PTMA: variants seen among roughly 807,000 people sequenced by gnomAD.
PTMA encodes the protein prothymosin alpha.
A neutral mutation model predicts 16.9 loss-of-function variants in PTMA; 4 were observed. The ratio of observed to expected loss-of-function variants is 0.24; its 90% CI spans 0.12 to 0.54. The LOEUF is 0.54. PTMA is among the 20% of genes least tolerant of loss of function. The probability of loss-of-function intolerance (pLI) is 0.95; values close to 1 mark genes in which losing one functional copy is unlikely to be tolerated. For missense variants in PTMA, 120 were observed against 137.7 expected (o/e 0.87, Z 0.64); for synonymous variants, 58 against 47.9 (o/e 1.21, Z -0.87).
At chr2:231,710,367 G>C in intron 1 of PTMA, 1 of 1,198,832 alleles carries the variant, frequency 8.3e-7, no homozygotes. Context: ...CGAGGCCCGC[G>C]CGCAAAGCCC....
chr2:231,710,021 C>A, intron 1 of PTMA: 1 of 1,177,254 alleles, frequency 8.5e-7, no homozygotes, highest in East Asian at 3.2e-5. Context: ...ACACCGTCCC[C>A]AGTGCGGGGC....
In PTMA at chr2:231,711,566, C is replaced by T. The variant is rs531790083; in HGVS notation, c.117+147C>T. The T allele has an allele frequency of 5.0e-6, 4 of 797,582 alleles. No individual in the cohort carries two copies. In the African/African-American group the frequency reaches 7.0e-5, roughly 14 times the overall value. 49.4% of individuals were successfully genotyped at this position (797,582 alleles called of 1,614,324 possible). ...AGTATCGTAGCCAATGAGCTTTACC[C>T]GAGGCGCGATTATTGCTAGTTAAAT... On this transcript the variant is annotated intron_variant, in intron 2 of 4. Transcript: ENST00000409115.
chr2:231,713,219 A>C lies in PTMA; in HGVS notation c.*368A>C. 1.5e-5 allele frequency: 7 copies of C among 468,982 alleles called. 1 individual carries two copies. Among genetic ancestry groups the C allele is most frequent in the South Asian group, 1.1e-4 (7 of 61,786 alleles). 29.1% of individuals were successfully genotyped at this position (468,982 alleles called of 1,614,324 possible). A position where few individuals can be genotyped will look rare whatever the true frequency, so the allele number is the denominator to read the frequency against. On this transcript the variant is annotated 3_prime_UTR_variant, in exon 5 of 5. Transcript: ENST00000409115. Reference sequence around the variant, plus strand: ...CAGCCTTCGGAGCGTTCTCTGTCCTACTTCTGACTTTACTTGTGGTGTGAC... The same window carrying C: ...CAGCCTTCGGAGCGTTCTCTGTCCTCCTTCTGACTTTACTTGTGGTGTGAC...
intron 2 of PTMA, 104 bp from the exon 3 acceptor site, chr2:231,711,786 T>C: frequency 6.5e-7 from 1 of 1,549,064 alleles, no homozygotes; most frequent in Non-Finnish European, 8.7e-7. Flanking sequence ...GGCTGGGCTG[T>C]AGATGCAGCC....
chr2:231,712,378 C>G (rs1416926475), intron 3 of PTMA, 65 bp from the exon 4 acceptor site: 1 of 1,520,662 alleles, frequency 6.6e-7, no homozygotes, highest in Non-Finnish European at 9.1e-7. Context: ...ACATGTTCCT[C>G]GGGATTTCCC....
Position 231,713,198 on chromosome 2 carries a change from C to T in PTMA, c.*347C>T. ...AATGATCTCGGATGACCAAACCAGC[C>T]TTCGGAGCGTTCTCTGTCCTACTTC... is the stretch of plus-strand genomic sequence containing the variant. On this transcript the variant is annotated 3_prime_UTR_variant, in exon 5 of 5. Transcript: ENST00000409115. 6.4e-6 allele frequency: 3 copies of T among 471,880 alleles called. No individual in the cohort carries two copies. Among genetic ancestry groups the T allele is most frequent in the South Asian group, 4.9e-5 (3 of 61,784 alleles). 29.2% of individuals were successfully genotyped at this position (471,880 alleles called of 1,614,324 possible).
chr2:231,708,976 C>T (rs1575348798), intron 1 of PTMA, among the ~76,000 whole-genome samples: 1 of 152,142 alleles, frequency 6.6e-6, no homozygotes, highest in East Asian at 1.9e-4. Context: ...GTGGGCCGGG[C>T]GCCCTCGGGG....
intron 1 of PTMA, chr2:231,711,044 G>A (rs543453643): frequency 3.2e-6 from 1 of 309,722 alleles, no homozygotes; most frequent in African/African-American, 2.2e-5. Flanking sequence ...GGACGGGCTG[G>A]GGGCTGTGGC....
chr2:231,711,672 C>T, intron 2 of PTMA: 3 of 899,904 alleles, frequency 3.3e-6, no homozygotes, highest in Non-Finnish European at 4.9e-6. Flanking sequence ...GGGCTTGGCC[C>T]AGGGTGGGGA....
intron 2 of PTMA, 26 bp downstream of exon 2, chr2:231,711,445 C>T: frequency 1.9e-6 from 3 of 1,611,210 alleles, no homozygotes; most frequent in Non-Finnish European, 2.5e-6. Context: ...GCTCCTGAGC[C>T]CTGGCAGCTA....
intron 1 of PTMA, among the ~76,000 whole-genome samples, chr2:231,709,438 G>A (rs2048487321): frequency 6.6e-6 from 1 of 152,196 alleles, no homozygotes; most frequent in Admixed American, 6.5e-5. Flanking sequence ...CTTCAGTCAT[G>A]CACCCGCGGT....
At chr2:231,711,850 G>C in intron 2 of PTMA, 40 bp from the exon 3 acceptor site, 1 of 1,610,120 alleles carries the variant, frequency 6.2e-7, no homozygotes, top group Non-Finnish European at 8.5e-7. Context: ...TCCAGCCTGG[G>C]GCCAGCTGGT....
chr2:231,712,120 C>G (rs2048525556), intron 3 of PTMA, 137 bp downstream of exon 3: 3 of 1,459,490 alleles, frequency 2.1e-6, no homozygotes, highest in Non-Finnish European at 1.8e-6. Flanking sequence ...GCCCTGGGCA[C>G]CCACCTGTAG....
In PTMA at chr2:231,713,476, G is replaced by T; in HGVS notation, c.*625G>T. ...GTTTATTTTTTTTGGCCTGTTTGAT[G>T]TATGTGTGAAACAATGTTGTCCAAC... On this transcript the variant is annotated 3_prime_UTR_variant, in exon 5 of 5. Transcript: ENST00000409115. 2.3e-6 allele frequency: 1 copy of T among 440,270 alleles called. No homozygotes were observed. The allele number at this position is 440,270 out of a possible 1,614,324, so 27.3% of individuals were successfully genotyped here.
chr2:231,710,904 G>GCC (rs1242867780), intron 1 of PTMA, among the ~76,000 whole-genome samples: 3 of 152,200 alleles, frequency 2.0e-5, no homozygotes, highest in Admixed American at 6.5e-5. Flanking sequence ...CCGAGCGCAG[G>GCC]CCCCTCTCTC....
At position 231,710,106 on chromosome 2, in the gene PTMA, C is replaced by T. The variant is rs1005353616; in HGVS notation, c.46-1242C>T. On this transcript the variant is annotated intron_variant, in intron 1 of 4. Transcript: ENST00000409115. Reference sequence around the variant, plus strand: ...GCGATGAGTAGTAGCCCGAGAGGCGCATCCCCGACAGTCTCGGACCTACGC... The same window carrying T: ...GCGATGAGTAGTAGCCCGAGAGGCGTATCCCCGACAGTCTCGGACCTACGC... The T allele has an allele frequency of 1.7e-5, 21 of 1,241,510 alleles. No individual in the cohort carries two copies. In the African/African-American group the frequency reaches 2.0e-4, roughly 12 times the overall value. 76.9% of individuals were successfully genotyped at this position (1,241,510 alleles called of 1,614,324 possible). A position where few individuals can be genotyped will look rare whatever the true frequency, so the allele number is the denominator to read the frequency against.
chr2:231,712,763 C>T (rs368475673), intron 4 of PTMA, 41 bp from the exon 5 acceptor site: 109 of 1,573,920 alleles, frequency 6.9e-5, no homozygotes, highest in Middle Eastern at 1.7e-4. Flanking sequence ...GGATAGGGCT[C>T]CTGGGGTTGG....
chr2:231,709,903 C>T (rs2048494306), intron 1 of PTMA: 2 of 379,746 alleles, frequency 5.3e-6, no homozygotes, highest in African/African-American at 2.1e-5. Context: ...ATCTCTGACT[C>T]TCCCAGGGGC....
chr2:231,709,152 C>T (rs1182111970), intron 1 of PTMA, among the ~76,000 whole-genome samples: 1 of 152,086 alleles, frequency 6.6e-6, no homozygotes, highest in East Asian at 1.9e-4. Flanking sequence ...TGCTGGGGGG[C>T]GCGTGTTGGG....
Sources: allele counts gnomAD v4.1 joint callset (sites outside exome capture counted in the v4.1 genomes callset), GRCh38; gene constraint gnomAD v4.1.1; transcripts MANE v1.5; gene names NCBI Gene and HGNC (gene_info 2026-07-23, HGNC 2026-07-21).